USP46: variants seen among roughly 807,000 people sequenced by gnomAD.
USP46 encodes the protein ubiquitin carboxyl-terminal hydrolase 46.
In USP46, 12 loss-of-function variants were observed where a neutral mutation model predicts 44.4. The ratio of observed to expected loss-of-function variants is 0.27; its 90% CI spans 0.17 to 0.44. USP46 has a LOEUF of 0.44. USP46 is among the 20% of genes least tolerant of loss of function. The pLI is 1.00. For missense variants in USP46, 248 were observed against 444.8 expected (o/e 0.56, Z 3.98); for synonymous variants, 155 against 161.5 (o/e 0.96, Z 0.31).
chr4:52,629,266 C>A (rs1331910737), intron 2 of USP46, among the ~76,000 whole-genome samples: 1 of 152,146 alleles, frequency 6.6e-6, no homozygotes, highest in South Asian at 2.1e-4. Flanking sequence ...TACTTTGACA[C>A]AATTATGTAA....
At chr4:52,645,221 T>G (rs1411964672) in intron 1 of USP46, among the ~76,000 whole-genome samples, 5 of 130,340 alleles carry the variant, frequency 3.8e-5, no homozygotes, top group Non-Finnish European at 6.3e-5. Context: ...ACAGACTCTA[T>G]CTCAAAAAAA....
At chr4:52,622,118 T>C (rs1047307995) in intron 4 of USP46, among the ~76,000 whole-genome samples, 1 of 152,158 alleles carries the variant, frequency 6.6e-6, no homozygotes, top group Non-Finnish European at 1.5e-5. Context: ...AAAGATAGTA[T>C]TGACACACAA....
chr4:52,597,792 G>A, intron 8 of USP46, 51 bp from the exon 9 acceptor site: 10 of 1,317,324 alleles, frequency 7.6e-6, no homozygotes, highest in South Asian at 2.8e-5. Flanking sequence ...TGATTCCTGG[G>A]GAAAGGAAAT....
intron 6 of USP46, among the ~76,000 whole-genome samples, chr4:52,602,400 T>C (rs147969544): frequency 1.3e-5 from 2 of 152,190 alleles, no homozygotes; most frequent in East Asian, 1.9e-4. Flanking sequence ...CCTGAGATGA[T>C]GGAGAGGAAG....
At chr4:52,617,673 T>G (rs932461674) in intron 4 of USP46, among the ~76,000 whole-genome samples, 8 of 152,304 alleles carry the variant, frequency 5.3e-5, no homozygotes, top group African/African-American at 7.2e-5. Flanking sequence ...GTGGTTTTTT[T>G]GGGGTGGGGC....
Position 52,592,534 on chromosome 4 carries a change from C to T in USP46, c.*5106G>A, listed in dbSNP as rs753855090. ...GTACTGCCTCATGACTGAGTTCTCA[C>T]GAGATCTGGTTGTTTAAAAGTGTGT... On this transcript the variant is annotated 3_prime_UTR_variant, in exon 9 of 9. Coordinates refer to ENST00000441222, the MANE Select transcript of USP46 (RefSeq NM_022832.4). 1.0e-5 allele frequency: 2 copies of T among 195,516 alleles called. No individual in the cohort carries two copies. The highest frequency in any genetic ancestry group is 2.1e-5 in the Non-Finnish European group (2 of 96,858). 12.1% of individuals were successfully genotyped at this position (195,516 alleles called of 1,614,324 possible). A position where few individuals can be genotyped will look rare whatever the true frequency, so the allele number is the denominator to read the frequency against.
At chr4:52,623,666 C>T (rs1479418397) in intron 4 of USP46, among the ~76,000 whole-genome samples, 1 of 152,212 alleles carries the variant, frequency 6.6e-6, no homozygotes, top group Non-Finnish European at 1.5e-5. Flanking sequence ...TGGCTCACGC[C>T]TGTAATCCCA....
intron 5 of USP46, among the ~76,000 whole-genome samples, chr4:52,608,736 T>G (rs1390078430): frequency 6.6e-6 from 1 of 152,146 alleles, no homozygotes; most frequent in Non-Finnish European, 1.5e-5. Context: ...TCTTCCCGGG[T>G]GATTCCAATG....
intron 4 of USP46, among the ~76,000 whole-genome samples, chr4:52,623,799 G>A (rs1717472722): frequency 6.6e-6 from 1 of 151,914 alleles, no homozygotes; most frequent in African/African-American, 2.4e-5. Flanking sequence ...GGTGGTGGGC[G>A]CCTGTAATCC....
chr4:52,641,784 T>G (rs1033888007), intron 1 of USP46, among the ~76,000 whole-genome samples: 1 of 152,212 alleles, frequency 6.6e-6, no homozygotes, highest in Non-Finnish European at 1.5e-5. Flanking sequence ...CTCATTTATC[T>G]GCATCCTAGG....
At chr4:52,657,596 C>G (rs528565614) in intron 1 of USP46, among the ~76,000 whole-genome samples, 3 of 152,344 alleles carry the variant, frequency 2.0e-5, no homozygotes, top group Admixed American at 2.0e-4. Context: ...ACAGTTCCCT[C>G]AGGAACTGGT....
chr4:52,598,470 C>A, intron 8 of USP46, 158 bp downstream of exon 8: 1 of 687,234 alleles, frequency 1.5e-6, no homozygotes, highest in Non-Finnish European at 2.5e-6. Flanking sequence ...TTCCATGGAG[C>A]ATGGGGATTA....
At chr4:52,598,103 A>C (rs1276208962) in intron 8 of USP46, among the ~76,000 whole-genome samples, 4 of 152,206 alleles carry the variant, frequency 2.6e-5, no homozygotes, top group African/African-American at 9.7e-5. Flanking sequence ...TAAAACTGCT[A>C]CCTTAGTGGG....
chr4:52,656,607 TG>T, intron 1 of USP46: 1 of 1,261,960 alleles, frequency 7.9e-7, no homozygotes, highest in Non-Finnish European at 1.0e-6. Context: ...AAGATGATGT[TG>T]ACAATGACAC....
At position 52,631,063 on chromosome 4, in the gene USP46, C is replaced by CA; in HGVS notation, c.117dup (p.Gly41TrpfsTer7). On this transcript the variant is annotated frameshift_variant and splice_region_variant. Coordinates refer to ENST00000441222, the MANE Select transcript of USP46 (RefSeq NM_022832.4). LOFTEE classifies it high-confidence loss of function. ...GAAAATAATACATTTTACATACTTACATTGACCAATCCGAAATAGTGTTCA... is the reference window on the plus strand; with the variant it reads ...GAAAATAATACATTTTACATACTTACAATTGACCAATCCGAAATAGTGTTCA... 2 of 1,561,298 alleles carry CA rather than the reference C, an allele frequency of 1.3e-6. No homozygotes were observed. The highest frequency in any genetic ancestry group is 1.7e-6 in the Non-Finnish European group (2 of 1,151,112).
At chr4:52,650,232 A>G (rs1204690593) in intron 1 of USP46, among the ~76,000 whole-genome samples, 1 of 152,208 alleles carries the variant, frequency 6.6e-6, no homozygotes, top group Non-Finnish European at 1.5e-5. Context: ...GAATAAGTAA[A>G]CCATGGTTAA....
Position 52,594,968 on chromosome 4 carries a change from T to C in USP46, c.*2672A>G, listed in dbSNP as rs1050989876. The C allele has an allele frequency of 3.3e-5, 5 of 152,240 alleles. No homozygotes were observed. Among genetic ancestry groups the C allele is most frequent in the African/African-American group, 1.2e-4 (5 of 41,444 alleles). The allele number at this position is 152,240 out of a possible 1,614,324, so 9.4% of individuals were successfully genotyped here. Reference sequence around the variant, plus strand: ...ATTTACTTTTAAACACATGATTTTTTAGCATGCTGTGCCATAACCTAGAGG... The same window carrying C: ...ATTTACTTTTAAACACATGATTTTTCAGCATGCTGTGCCATAACCTAGAGG... On this transcript the variant is annotated 3_prime_UTR_variant, in exon 9 of 9. Transcript: ENST00000441222.
chr4:52,656,767 A>G (rs1008582761), intron 1 of USP46, among the ~76,000 whole-genome samples: 1 of 151,864 alleles, frequency 6.6e-6, no homozygotes, highest in Non-Finnish European at 1.5e-5. Context: ...CCTGCCGGGT[A>G]TGGTGGCTCA....
chr4:52,639,283 AC>A (rs1337298836), intron 1 of USP46, among the ~76,000 whole-genome samples: 3 of 152,250 alleles, frequency 2.0e-5, no homozygotes, highest in Non-Finnish European at 2.9e-5. Flanking sequence ...CTGTAAAAAG[AC>A]CCAAATAATG....
Sources: gnomAD v4.1 joint callset for allele counts (sites outside exome capture counted in the v4.1 genomes callset) on GRCh38, gnomAD v4.1.1 for gene constraint, MANE v1.5 for transcripts, NCBI Gene and HGNC (gene_info 2026-07-23, HGNC 2026-07-21) for gene names.